The following ADCK1 variants were observed in gnomAD, a reference collection of about 807,000 sequenced individuals.
ADCK1 encodes aarF domain containing kinase 1, also known as aarF domain-containing protein kinase 1.
Under a neutral mutation model 52.3 loss-of-function variants are expected in ADCK1, and 41 were observed. The ratio of observed to expected loss-of-function variants is 0.78; its 90% CI spans 0.61 to 1.02. The LOEUF (loss-of-function observed/expected upper bound fraction) is 1.02, where lower values mean the gene tolerates loss of function less well. ADCK1 is among the 50% of genes least tolerant of loss of function. The pLI, the probability that ADCK1 is intolerant of heterozygous loss-of-function variation, is 0.00. For missense variants in ADCK1, 658 were observed against 679.5 expected, an observed-to-expected ratio of 0.97 and a Z score of 0.35; for synonymous variants, 250 against 274.6, an observed-to-expected ratio of 0.91 and a Z score of 0.89.
intron 5 of ADCK1, among the ~76,000 whole-genome samples, chr14:77,893,092 T>G (rs2083317010): frequency 1.3e-5 from 2 of 152,208 alleles, no homozygotes; most frequent in South Asian, 4.1e-4. Flanking sequence ...TTTTTTCAGC[T>G]TTGTCATTAT....
At position 77,934,160 on chromosome 14, in the gene ADCK1, T is replaced by C. The variant is rs1276462725; in HGVS notation, c.*769T>C. On this transcript the variant is annotated 3_prime_UTR_variant, in exon 11 of 11. Coordinates refer to ENST00000238561, the MANE Select transcript of ADCK1 (RefSeq NM_020421.4). The stretch of plus-strand genomic sequence containing the variant: ...GTTGGGAGTTCACCTACAATGCCCA[T>C]TAGGTCAGAGTGGACCTGAATCGAG... The C allele has an allele frequency of 1.3e-5, 2 of 152,162 alleles. No individual in the cohort carries two copies. The highest frequency in any genetic ancestry group is 4.8e-5 in the African/African-American group (2 of 41,392). 9.4% of individuals were successfully genotyped at this position (152,162 alleles called of 1,614,324 possible).
Position 77,933,358 on chromosome 14 carries a change from C to T in ADCK1, c.1539C>T (p.Ala513=). The T allele has an allele frequency of 6.2e-7, 1 of 1,614,064 alleles. No homozygotes were observed. Among genetic ancestry groups the T allele is most frequent in the Non-Finnish European group, 8.5e-7 (1 of 1,180,002 alleles). The stretch of plus-strand genomic sequence containing the variant: ...TGAAGCTGGCTGACCGGGTCTTGGC[C>T]CTAATATGCTGGCTGTTCCCTGCTC... ...KGLKLADRVL[A]LICWLFPAPL The change falls in exon 11 of 11, where the codon GCC becomes GCT. Residue 513 remains alanine (A), a synonymous_variant. Coordinates refer to ENST00000238561, the MANE Select transcript of ADCK1 (RefSeq NM_020421.4).
chr14:77,885,051 C>T (rs1192649486), intron 4 of ADCK1, among the ~76,000 whole-genome samples: 1 of 152,222 alleles, frequency 6.6e-6, no homozygotes, highest in African/African-American at 2.4e-5. Context: ...ATTCATTCAA[C>T]AAATTTGTTT....
chr14:77,889,227 G>A (rs1489174386), intron 5 of ADCK1, among the ~76,000 whole-genome samples: 11 of 152,102 alleles, frequency 7.2e-5, no homozygotes, highest in South Asian at 2.1e-4. Flanking sequence ...TTTTAGCAGC[G>A]TGAGAACAGA....
At position 77,923,278 on chromosome 14, in the gene ADCK1, G is replaced by C. The variant is rs1158280993; in HGVS notation, c.859-1179G>C. On this transcript the variant is annotated intron_variant, in intron 7 of 10. Transcript: ENST00000238561. The surrounding 1 kb of genome is among the most constrained non-coding windows in gnomAD (Gnocchi z 4.3). Reference sequence around the variant, plus strand: ...TCTGGGATGGGAAGGAAGAGAGAGGGTAAGCCAGGTGAAGGGGAGATGGCA... The same window carrying C: ...TCTGGGATGGGAAGGAAGAGAGAGGCTAAGCCAGGTGAAGGGGAGATGGCA... 6.6e-6 allele frequency: 1 copy of C among 152,344 alleles called. No individual in the cohort carries two copies. Among genetic ancestry groups the C allele is most frequent in the Non-Finnish European group, 1.5e-5 (1 of 68,108 alleles). The allele number at this position is 152,344 out of a possible 1,614,324, so 9.4% of individuals were successfully genotyped here.
At chr14:77,877,446 G>C (rs1421934987) in intron 4 of ADCK1, among the ~76,000 whole-genome samples, 2 of 152,198 alleles carry the variant, frequency 1.3e-5, no homozygotes, top group African/African-American at 4.8e-5. Flanking sequence ...GGGTGAGCTT[G>C]TCAGGTTTTA....
At chr14:77,805,337 C>T (rs2081200658) in intron 1 of ADCK1, among the ~76,000 whole-genome samples, 1 of 143,528 alleles carries the variant, frequency 7.0e-6, no homozygotes, top group Non-Finnish European at 1.5e-5. Context: ...TCTTGGCTCA[C>T]CGCAACCTCC....
chr14:77,903,311 A>G (rs574288201), intron 6 of ADCK1, among the ~76,000 whole-genome samples: 17 of 152,318 alleles, frequency 1.1e-4, no homozygotes, highest in Non-Finnish European at 4.4e-5. Context: ...AAAACTGGAG[A>G]TAGACTGCTT....
intron 1 of ADCK1, among the ~76,000 whole-genome samples, chr14:77,815,461 T>C (rs2081427621): frequency 6.6e-6 from 1 of 151,480 alleles, no homozygotes. Flanking sequence ...CCTCCCATTG[T>C]GGCCTCCGGA....
At chr14:77,926,280 C>G (rs1274243186) in intron 9 of ADCK1, among the ~76,000 whole-genome samples, 1 of 152,188 alleles carries the variant, frequency 6.6e-6, no homozygotes, top group East Asian at 1.9e-4. Flanking sequence ...AGATTCCAGG[C>G]CTTCCCCAAG....
At chr14:77,854,555 C>CTTTTTTT in intron 3 of ADCK1, among the ~76,000 whole-genome samples, 1 of 128,590 alleles carries the variant, frequency 7.8e-6, no homozygotes, top group Non-Finnish European at 1.6e-5. Context: ...TCGGAGTGGG[C>CTTTTTTT]TTTTTTTTTT....
At chr14:77,881,113 T>A (rs11159306) in intron 4 of ADCK1, among the ~76,000 whole-genome samples, 80,660 of 152,086 alleles carry the variant, frequency 0.53, 21,635 homozygotes, top group South Asian at 0.65. Context: ...TACAAAACTT[T>A]GTGACTTAAA....
intron 3 of ADCK1, among the ~76,000 whole-genome samples, chr14:77,845,564 A>G (rs182586945): frequency 1.3e-5 from 2 of 152,116 alleles, no homozygotes; most frequent in Non-Finnish European, 2.9e-5. Context: ...CTGGGACTAC[A>G]GGCACATGCA....
intron 5 of ADCK1, among the ~76,000 whole-genome samples, chr14:77,892,666 A>G (rs1011193806): frequency 6.6e-6 from 1 of 151,542 alleles, no homozygotes; most frequent in Non-Finnish European, 1.5e-5. Context: ...GATCCCTAGC[A>G]GAGTTCCCTT....
chr14:77,912,680 A>T (rs994909429), intron 7 of ADCK1, among the ~76,000 whole-genome samples: 18 of 152,088 alleles, frequency 1.2e-4, no homozygotes, highest in African/African-American at 3.6e-4. Flanking sequence ...CCTAGGGTGT[A>T]GTGTGATTAG....
At chr14:77,834,899 C>T (rs1403710092) in intron 3 of ADCK1, among the ~76,000 whole-genome samples, 1 of 152,178 alleles carries the variant, frequency 6.6e-6, no homozygotes, top group Non-Finnish European at 1.5e-5. Flanking sequence ...ACTGGAGTAA[C>T]CCTGGTTTCA....
chr14:77,807,217 C>T (rs1450965136), intron 1 of ADCK1, among the ~76,000 whole-genome samples: 7 of 151,154 alleles, frequency 4.6e-5, no homozygotes, highest in Admixed American at 1.3e-4. Flanking sequence ...TACAGGCGCC[C>T]GCCACCACGC....
At position 77,854,345 on chromosome 14, in the gene ADCK1, T is replaced by C. The variant is rs2082372052; in HGVS notation, c.220-4731T>C. On this transcript the variant is annotated intron_variant, in intron 3 of 10. Coordinates refer to ENST00000238561, the MANE Select transcript of ADCK1 (RefSeq NM_020421.4). Reference sequence around the variant, plus strand: ...GAGAGGTCTGGGAAGGAGATACACATTTGTGTGTATCAATGTGCAGATGGT... The same window carrying C: ...GAGAGGTCTGGGAAGGAGATACACACTTGTGTGTATCAATGTGCAGATGGT... 2.6e-5 allele frequency among the ~76,000 whole-genome samples: 4 copies of C among 152,266 alleles called. No individual in the cohort carries two copies. The South Asian group carries it at 8.3e-4, about 32-fold the overall frequency.
intron 2 of ADCK1, 138 bp downstream of exon 2, chr14:77,819,251 C>T: frequency 9.7e-6 from 11 of 1,132,792 alleles, no homozygotes; most frequent in South Asian, 1.6e-5. Context: ...GCTACATCTG[C>T]ACAGGTGTAC....
Sources: gnomAD v4.1 joint callset for allele counts (sites outside exome capture counted in the v4.1 genomes callset) on GRCh38, gnomAD v4.1.1 for gene constraint, Gnocchi (gnomAD v3.1) non-coding constraint, MANE v1.5 for transcripts, NCBI Gene and HGNC (gene_info 2026-07-23, HGNC 2026-07-21) for gene names.